The following CBLB variants were observed in gnomAD, a reference collection of about 807,000 sequenced individuals.
CBLB encodes the protein E3 ubiquitin-protein ligase CBL-B.
In CBLB, 31 loss-of-function variants were observed where a neutral mutation model predicts 104.9. That is an observed-to-expected ratio of 0.30 (90% CI 0.22 to 0.40). The LOEUF (loss-of-function observed/expected upper bound fraction) is 0.40. CBLB is among the 10% of genes least tolerant of loss of function. The pLI, the probability that CBLB is intolerant of heterozygous loss-of-function variation, is 1.00. For synonymous variants in CBLB, 440 were observed against 422.6 expected, an observed-to-expected ratio of 1.04 and a Z score of -0.51; for missense variants, 1,062 against 1,214.6, an observed-to-expected ratio of 0.87 and a Z score of 1.87.
chr3:105,666,678 T>C (rs1240425038), intron 18 of CBLB, among the ~76,000 whole-genome samples: 1 of 151,818 alleles, frequency 6.6e-6, no homozygotes, highest in Non-Finnish European at 1.5e-5. Context: ...AGAGCGAGAC[T>C]CCATCTCAAA....
At chr3:105,663,435 T>C (rs2064030771) in intron 18 of CBLB, among the ~76,000 whole-genome samples, 1 of 152,092 alleles carries the variant, frequency 6.6e-6, no homozygotes, top group African/African-American at 2.4e-5. Context: ...AGGTTCACAT[T>C]ATTGTTAACA....
At chr3:105,868,634 C>T in intron 1 of CBLB, 102 bp downstream of exon 1, 1 of 781,180 alleles carries the variant, frequency 1.3e-6, no homozygotes, top group Non-Finnish European at 1.6e-6. Context: ...CAGCTGAGAG[C>T]CAGGGCTGTC....
intron 3 of CBLB, among the ~76,000 whole-genome samples, chr3:105,798,364 G>C (rs1320239014): frequency 1.3e-5 from 2 of 151,890 alleles, no homozygotes; most frequent in Non-Finnish European, 2.9e-5. Context: ...TCTGTTTTTT[G>C]TTTTCTCTTT....
In CBLB at chr3:105,685,311, T is replaced by C. The variant is rs1292363610; in HGVS notation, c.2201+9A>G. The C allele has an allele frequency of 6.2e-7, 1 of 1,613,242 alleles. No homozygotes were observed. Among genetic ancestry groups the C allele is most frequent in the Non-Finnish European group, 8.5e-7 (1 of 1,179,260 alleles). ...GATGTAAGTGGCAAAAATCTGCCCA[T>C]ACTCTTACCGAACAGGAGGTTTTAC... On this transcript the variant is annotated intron_variant, in intron 14 of 18. Transcript: ENST00000394030.
rs1397976007 is a variant in CBLB at position 105,671,523 on chromosome 3, T to A, written c.2570-1171A>T. 9.4e-6 allele frequency: 2 copies of A among 213,734 alleles called. 1 individual carries two copies. Among genetic ancestry groups the A allele is most frequent in the Admixed American group, 1.2e-4 (2 of 17,126 alleles). 13.2% of individuals were successfully genotyped at this position (213,734 alleles called of 1,614,324 possible). On this transcript the variant is annotated intron_variant, in intron 17 of 18. Transcript: ENST00000394030. The stretch of plus-strand genomic sequence containing the variant: ...TCACAATTTTAAAATCAGTGAAACC[T>A]GAATTGCTAATGTAAAGCAAAAATT...
rs527672717 is a variant in CBLB, at chr3:105,790,202, A to G, written c.420-13660T>C. Reference sequence around the variant, plus strand: ...TGTTAAACATCAAAATGATAGGAAGATTGTATACTTTTTTAAAATGATTTC... The same window carrying G: ...TGTTAAACATCAAAATGATAGGAAGGTTGTATACTTTTTTAAAATGATTTC... On this transcript the variant is annotated intron_variant, in intron 3 of 18. Transcript: ENST00000394030. Among the ~76,000 whole-genome samples the G allele has an allele frequency of 9.2e-5, 14 of 152,362 alleles. No individual in the cohort carries two copies. The East Asian group carries it at 2.3e-3, about 25-fold the overall frequency.
chr3:105,776,649 G>A (rs965022029), intron 3 of CBLB, 107 bp from the exon 4 acceptor site: 11 of 1,035,476 alleles, frequency 1.1e-5, no homozygotes, highest in African/African-American at 6.4e-5. Flanking sequence ...ATGTATCAAC[G>A]TATGTCTTGG....
chr3:105,724,993 T>C lies in CBLB; in HGVS notation c.1204-4743A>G, dbSNP rs145581909. Among the ~76,000 whole-genome samples the C allele has an allele frequency of 3.9e-5, 6 of 152,304 alleles. No homozygotes were observed. In the East Asian group the frequency reaches 1.2e-3, roughly 29 times the overall value. On this transcript the variant is annotated intron_variant, in intron 9 of 18. Transcript: ENST00000394030. ...AACACTACACTATAGGATCAGCATG[T>C]AGTGGTTTTTCAATCTCAGATTCAT...
intron 3 of CBLB, among the ~76,000 whole-genome samples, chr3:105,795,370 T>C (rs2082142329): frequency 6.6e-6 from 1 of 152,246 alleles, no homozygotes; most frequent in African/African-American, 2.4e-5. Context: ...AACACAAGTA[T>C]ACATCATATA....
intron 2 of CBLB, 88 bp downstream of exon 2, chr3:105,867,322 T>G: frequency 8.8e-7 from 1 of 1,132,006 alleles, no homozygotes; most frequent in Non-Finnish European, 1.3e-6. Flanking sequence ...TAACAATGGT[T>G]GGTATTAATT....
intron 17 of CBLB, chr3:105,671,728 CT>C: frequency 9.9e-6 from 2 of 201,444 alleles, no homozygotes; most frequent in East Asian, 7.7e-5. Flanking sequence ...ATCTTTTCAC[CT>C]TTTTTGGAGT....
intron 3 of CBLB, among the ~76,000 whole-genome samples, chr3:105,819,069 T>C (rs1320400132): frequency 6.6e-6 from 1 of 152,242 alleles, no homozygotes; most frequent in African/African-American, 2.4e-5. Flanking sequence ...CTTTGCAAAA[T>C]GTTAGATATA....
chr3:105,679,360 A>AAAAAAAAAAT, intron 16 of CBLB, among the ~76,000 whole-genome samples: 1 of 150,620 alleles, frequency 6.6e-6, no homozygotes, highest in African/African-American at 2.4e-5. Flanking sequence ...AAAAAAAAAA[A>AAAAAAAAAAT]AGCACATGTT....
intron 7 of CBLB, 80 bp from the exon 8 acceptor site, chr3:105,737,338 T>C: frequency 1.5e-6 from 1 of 653,590 alleles, no homozygotes; most frequent in Non-Finnish European, 2.7e-6. Flanking sequence ...AATTTTTCTA[T>C]ATTCAAACAT....
chr3:105,791,043 C>A (rs1008577413), intron 3 of CBLB, among the ~76,000 whole-genome samples: 5 of 152,162 alleles, frequency 3.3e-5, no homozygotes, highest in Non-Finnish European at 5.9e-5. Context: ...ACGTTATCAC[C>A]AGGCATAATT....
intron 6 of CBLB, among the ~76,000 whole-genome samples, chr3:105,744,843 T>C (rs1195702053): frequency 6.6e-6 from 1 of 152,130 alleles, no homozygotes; most frequent in Non-Finnish European, 1.5e-5. Context: ...GGCAGGAGAA[T>C]TGCTCGAACC....
intron 17 of CBLB, among the ~76,000 whole-genome samples, chr3:105,677,351 A>T (rs76235246): frequency 2.7e-4 from 23 of 84,646 alleles, no homozygotes; most frequent in Non-Finnish European, 4.3e-4. Flanking sequence ...CAAACCAAGT[A>T]AAAAAAAAAA....
At chr3:105,861,242 A>C (rs1420234008) in intron 2 of CBLB, among the ~76,000 whole-genome samples, 1 of 152,168 alleles carries the variant, frequency 6.6e-6, no homozygotes, top group East Asian at 1.9e-4. Context: ...AGTGTATAAT[A>C]AGATAAACTT....
intron 3 of CBLB, among the ~76,000 whole-genome samples, chr3:105,784,329 T>C (rs185101478): frequency 6.6e-6 from 1 of 152,320 alleles, no homozygotes; most frequent in African/African-American, 2.4e-5. Flanking sequence ...ATGATTGCTA[T>C]GAGATTCATA....
Sources: gnomAD v4.1 joint callset for allele counts (sites outside exome capture counted in the v4.1 genomes callset) on GRCh38, gnomAD v4.1.1 for gene constraint, MANE v1.5 for transcripts, NCBI Gene and HGNC (gene_info 2026-07-23, HGNC 2026-07-21) for gene names.